The following DNAH7 variants were observed in gnomAD, a reference collection of about 807,000 sequenced individuals.
DNAH7 encodes dynein axonemal heavy chain 7.
DNAH7 carries 397 observed loss-of-function variants against 444.6 expected under a neutral mutation model. The ratio of observed to expected loss-of-function variants is 0.89; its 90% CI spans 0.82 to 0.97. The LOEUF (loss-of-function observed/expected upper bound fraction) is 0.97. DNAH7 is among the 50% of genes least tolerant of loss of function. The pLI is 0.00. For missense variants in DNAH7, 4,902 were observed against 4,800.8 expected (o/e 1.02, Z -0.62); for synonymous variants, 1,636 against 1,624.4 (o/e 1.01, Z -0.17).
At chr2:195,943,233 G>A (rs945463314) in intron 19 of DNAH7, among the ~76,000 whole-genome samples, 10 of 152,146 alleles carry the variant, frequency 6.6e-5, no homozygotes, top group Non-Finnish European at 1.2e-4. Context: ...AGCAGCATGA[G>A]AACAGACGAA....
intron 54 of DNAH7, among the ~76,000 whole-genome samples, chr2:195,801,252 G>A (rs576932576): frequency 2.8e-4 from 42 of 151,860 alleles, no homozygotes; most frequent in African/African-American, 8.7e-4. Context: ...TCAATTTCTC[G>A]TCTATTAACT....
intron 49 of DNAH7, 63 bp from the exon 50 acceptor site, chr2:195,817,892 T>G: frequency 4.5e-6 from 6 of 1,319,316 alleles, no homozygotes; most frequent in Non-Finnish European, 1.0e-6. Context: ...TCTGCTTTTA[T>G]GTGTCAAGTT....
chr2:195,940,394 T>C (rs28822738), intron 19 of DNAH7, among the ~76,000 whole-genome samples: 2 of 151,996 alleles, frequency 1.3e-5, no homozygotes, highest in African/African-American at 4.8e-5. Context: ...AAAGACTTAA[T>C]TGTAAAACTT....
intron 2 of DNAH7, among the ~76,000 whole-genome samples, chr2:196,056,618 C>T (rs1297333979): frequency 1.3e-5 from 2 of 151,924 alleles, no homozygotes; most frequent in Non-Finnish European, 2.9e-5. Context: ...TATTCCTTGA[C>T]CCTCCTCAGG....
Position 195,895,058 on chromosome 2 carries a change from AAAC to A in DNAH7, c.4811_4813del (p.Gly1604_Phe1605delinsVal), listed in dbSNP as rs1210182620. On this transcript the variant is annotated inframe_deletion, in exon 30 of 65. Transcript: ENST00000312428. Reference sequence around the variant, plus strand: ...TCCAAATGGTTCTCCAACAATCATAAAACCATGACGCACAATCATCATTTCATA... The same window carrying A: ...TCCAAATGGTTCTCCAACAATCATAACATGACGCACAATCATCATTTCATA... 1.9e-6 allele frequency: 3 copies of A among 1,613,522 alleles called. No homozygotes were observed. In the African/African-American group the frequency reaches 4.0e-5, roughly 22 times the overall value.
At chr2:195,742,427 GATAAT>G (rs1178719515) in intron 63 of DNAH7, among the ~76,000 whole-genome samples, 2 of 152,138 alleles carry the variant, frequency 1.3e-5, no homozygotes, top group Non-Finnish European at 2.9e-5. Context: ...TGGGAAGAGT[GATAAT>G]ATAATAGAAA....
chr2:195,918,755 GA>G (rs545283738), intron 24 of DNAH7, among the ~76,000 whole-genome samples: 18 of 152,188 alleles, frequency 1.2e-4, no homozygotes, highest in Middle Eastern at 3.4e-3. Flanking sequence ...AGAGGAGGAG[GA>G]AATTATATGT....
chr2:195,893,565 C>T (rs540688589), intron 30 of DNAH7: 7 of 151,956 alleles, frequency 4.6e-5, no homozygotes, highest in Non-Finnish European at 8.8e-5. Flanking sequence ...AAAACAAGCT[C>T]AATATCTTTG....
intron 21 of DNAH7, among the ~76,000 whole-genome samples, chr2:195,932,219 C>T (rs1688748092): frequency 6.6e-6 from 1 of 152,028 alleles, no homozygotes; most frequent in South Asian, 2.1e-4. Flanking sequence ...ATTTGGCTCT[C>T]TGTCTGTTGT....
chr2:195,851,801 C>A (rs1014496621), intron 46 of DNAH7, among the ~76,000 whole-genome samples: 4 of 152,172 alleles, frequency 2.6e-5, no homozygotes, highest in African/African-American at 9.7e-5. Context: ...TAGTGATGTG[C>A]TCTGAACCAG....
intron 15 of DNAH7, among the ~76,000 whole-genome samples, chr2:195,975,573 T>C (rs535051742): frequency 3.5e-4 from 53 of 151,300 alleles, no homozygotes; most frequent in African/African-American, 1.3e-3. Context: ...GCACATGACC[T>C]AGTGATATAC....
chr2:195,949,475 A>C (rs1224802912), intron 19 of DNAH7, among the ~76,000 whole-genome samples: 2 of 152,068 alleles, frequency 1.3e-5, no homozygotes, highest in Non-Finnish European at 2.9e-5. Context: ...GTAGAGATGG[A>C]GTTTCACCTT....
At chr2:195,872,570 G>T in intron 39 of DNAH7, 101 bp from the exon 40 acceptor site, 1 of 625,908 alleles carries the variant, frequency 1.6e-6, no homozygotes, top group Non-Finnish European at 2.6e-6. Context: ...TTTTAATTTT[G>T]ATTAAATCAA....
intron 24 of DNAH7, among the ~76,000 whole-genome samples, chr2:195,917,393 C>A (rs1226423073): frequency 6.6e-6 from 1 of 152,110 alleles, no homozygotes; most frequent in African/African-American, 2.4e-5. Context: ...CTCCCAAGTG[C>A]TGGCAGGCCA....
At chr2:195,863,092 G>C (rs1219112298) in intron 41 of DNAH7, among the ~76,000 whole-genome samples, 2 of 152,196 alleles carry the variant, frequency 1.3e-5, no homozygotes, top group Non-Finnish European at 2.9e-5. Flanking sequence ...CCTGTCTGAT[G>C]AAATTGTGTT....
At chr2:195,968,989 G>C (rs993244747) in intron 17 of DNAH7, among the ~76,000 whole-genome samples, 2 of 152,246 alleles carry the variant, frequency 1.3e-5, no homozygotes, top group Admixed American at 1.3e-4. Context: ...TGCACCACAT[G>C]GGTGTTATTG....
intron 9 of DNAH7, among the ~76,000 whole-genome samples, chr2:196,017,110 G>C (rs2125740669): frequency 6.6e-6 from 1 of 152,218 alleles, no homozygotes; most frequent in East Asian, 1.9e-4. Context: ...CTGCCTTTTG[G>C]TTCAAGTTAT....
chr2:195,811,990 T>C (rs900451162), intron 51 of DNAH7, among the ~76,000 whole-genome samples: 6 of 152,202 alleles, frequency 3.9e-5, no homozygotes, highest in African/African-American at 1.4e-4. Flanking sequence ...CAATCACTCC[T>C]GTAAATAACA....
chr2:195,824,783 G>C (rs763751773), intron 48 of DNAH7, among the ~76,000 whole-genome samples: 2 of 151,998 alleles, frequency 1.3e-5, no homozygotes, highest in Non-Finnish European at 2.9e-5. Flanking sequence ...CAGAGAAAAG[G>C]CATTTCCAGT....
Sources: gnomAD v4.1 joint callset for allele counts (sites outside exome capture counted in the v4.1 genomes callset) on GRCh38, gnomAD v4.1.1 for gene constraint, MANE v1.5 for transcripts, NCBI Gene and HGNC (gene_info 2026-07-23, HGNC 2026-07-21) for gene names.